The following NALCN variants were observed in gnomAD, a reference collection of about 807,000 sequenced individuals.
NALCN encodes the protein sodium leak channel, non-selective.
In NALCN, 111 loss-of-function variants were observed where a neutral mutation model predicts 225.3. The observed-to-expected ratio is 0.49, with a 90% CI of 0.42 to 0.58. NALCN has a LOEUF of 0.58. Ranked by LOEUF, NALCN falls within the 20% of genes least tolerant of loss-of-function variation. NALCN has a pLI of 0.00. For synonymous variants in NALCN, 764 were observed against 769.0 expected (o/e 0.99, Z 0.11); for missense variants, 1,378 against 2,202.4 (o/e 0.63, Z 7.49).
chr13:101,123,920 T>C (rs1173598503), intron 18 of NALCN, among the ~76,000 whole-genome samples: 2 of 152,208 alleles, frequency 1.3e-5, no homozygotes, highest in Middle Eastern at 3.2e-3. Flanking sequence ...CATGAATCTG[T>C]CCACTCGCCT....
At chr13:101,068,645 C>A (rs552676406) in intron 38 of NALCN, 50 bp downstream of exon 38, 94 of 1,454,552 alleles carry the variant, frequency 6.5e-5, no homozygotes, top group South Asian at 4.4e-4. Context: ...ACATAATTAT[C>A]TAAGTACCTG....
At chr13:101,172,322 T>A (rs191420705) in intron 15 of NALCN, among the ~76,000 whole-genome samples, 39 of 152,322 alleles carry the variant, frequency 2.6e-4, no homozygotes, top group African/African-American at 9.1e-4. Flanking sequence ...ACTCTGGATT[T>A]GGCCACATTC....
intron 26 of NALCN, among the ~76,000 whole-genome samples, chr13:101,101,286 T>TC (rs1310883659): frequency 1.5e-4 from 21 of 141,398 alleles, no homozygotes; most frequent in African/African-American, 5.2e-4. Context: ...TTTTTCTTTT[T>TC]TTTTTTTTTT....
chr13:101,255,311 A>G (rs2042194839), intron 11 of NALCN, among the ~76,000 whole-genome samples: 1 of 152,188 alleles, frequency 6.6e-6, no homozygotes, highest in Non-Finnish European at 1.5e-5. Flanking sequence ...TACCATACAT[A>G]AACACATTAG....
intron 38 of NALCN, 21 bp from the exon 39 acceptor site, chr13:101,068,054 C>T: frequency 7.1e-7 from 1 of 1,415,872 alleles, no homozygotes; most frequent in South Asian, 1.2e-5. Flanking sequence ...AAGAAAAATT[C>T]AGAAGTTAGA....
At chr13:101,193,573 T>A (rs960487235) in intron 13 of NALCN, among the ~76,000 whole-genome samples, 4 of 152,216 alleles carry the variant, frequency 2.6e-5, no homozygotes, top group Non-Finnish European at 5.9e-5. Context: ...AGAAGTGTTT[T>A]GTTCATGAAA....
At position 101,066,183 on chromosome 13, in the gene NALCN, G is replaced by A. The variant is rs138492346; in HGVS notation, c.4447-622C>T. Among the ~76,000 whole-genome samples the A allele has an allele frequency of 1.3e-3, 196 of 151,912 alleles. 1 individual carries two copies. Among genetic ancestry groups the A allele is most frequent in the African/African-American group, 4.3e-3 (179 of 41,428 alleles). ...TCTACTAAAAATAAAAAAATTACCC[G>A]GACATAGTGGTACATGCCTGTAGTC... On this transcript the variant is annotated intron_variant, in intron 39 of 43. Coordinates refer to ENST00000251127, the MANE Select transcript of NALCN (RefSeq NM_052867.4).
chr13:101,111,068 T>G, intron 19 of NALCN, 57 bp downstream of exon 19: 1 of 1,543,650 alleles, frequency 6.5e-7, no homozygotes. Flanking sequence ...AGCGACCATT[T>G]CCTGTAAAAC....
intron 4 of NALCN, among the ~76,000 whole-genome samples, chr13:101,377,451 A>G (rs1420594234): frequency 6.6e-6 from 1 of 152,194 alleles, no homozygotes; most frequent in Non-Finnish European, 1.5e-5. Context: ...GAATTGCACT[A>G]TTTACTAACA....
At chr13:101,320,571 G>A (rs941685179) in intron 7 of NALCN, among the ~76,000 whole-genome samples, 1 of 152,024 alleles carries the variant, frequency 6.6e-6, no homozygotes, top group South Asian at 2.1e-4. Flanking sequence ...ATATTAGAGT[G>A]GGGGAGGAAA....
At chr13:101,365,841 C>A (rs2046364630) in intron 6 of NALCN, among the ~76,000 whole-genome samples, 1 of 152,128 alleles carries the variant, frequency 6.6e-6, no homozygotes, top group African/African-American at 2.4e-5. Flanking sequence ...TCCTGAGTTC[C>A]TGTTTGAATC....
intron 13 of NALCN, among the ~76,000 whole-genome samples, chr13:101,211,677 T>G (rs1264237580): frequency 6.6e-6 from 1 of 150,430 alleles, no homozygotes; most frequent in African/African-American, 2.5e-5. Flanking sequence ...TATCTCATGG[T>G]ATCACTTTAA....
intron 7 of NALCN, among the ~76,000 whole-genome samples, chr13:101,299,426 T>TTTG (rs2043872038): frequency 2.0e-5 from 3 of 151,624 alleles, no homozygotes; most frequent in South Asian, 2.1e-4. Flanking sequence ...ACAGGGTTTT[T>TTTG]TTTGTTTGTT....
intron 6 of NALCN, among the ~76,000 whole-genome samples, chr13:101,360,093 CTTTT>C (rs1314339824): frequency 7.3e-6 from 1 of 137,824 alleles, no homozygotes; most frequent in Non-Finnish European, 1.5e-5. Context: ...CTCTTTCTTT[CTTTT>C]CTTTCTCTTT....
chr13:101,387,735 CTT>C (rs1203420569), intron 3 of NALCN, among the ~76,000 whole-genome samples: 1 of 152,110 alleles, frequency 6.6e-6, no homozygotes. Flanking sequence ...GTAACTCAAA[CTT>C]GAGTAATATG....
chr13:101,340,572 T>C (rs1385640367), intron 7 of NALCN, among the ~76,000 whole-genome samples: 1 of 152,160 alleles, frequency 6.6e-6, no homozygotes, highest in Non-Finnish European at 1.5e-5. Context: ...CTGTATAAGG[T>C]AGGTCTATCA....
In NALCN at chr13:101,065,466, G is replaced by A. The variant is rs554000938; in HGVS notation, c.4542C>T (p.His1514=). ...DLDKDKLLFK[H]MCYEMERLHN... ...GGAGCCTCTCCATTTCGTAGCACATGTGCTTAAACAGGAGCTTGTCCTTGT... is the reference window on the plus strand; with the variant it reads ...GGAGCCTCTCCATTTCGTAGCACATATGCTTAAACAGGAGCTTGTCCTTGT... The change falls in exon 40 of 44, where the codon CAC becomes CAT. Residue 1514 remains histidine (H), a synonymous_variant. Transcript: ENST00000251127. 2 of 1,614,180 alleles carry A rather than the reference G, an allele frequency of 1.2e-6. No individual in the cohort carries two copies. Among genetic ancestry groups the A allele is most frequent in the East Asian group, 2.2e-5 (1 of 44,862 alleles).
At chr13:101,120,355 T>C (rs1033655734) in intron 18 of NALCN, among the ~76,000 whole-genome samples, 11 of 152,138 alleles carry the variant, frequency 7.2e-5, no homozygotes, top group African/African-American at 2.2e-4. Flanking sequence ...ACCGTTGATT[T>C]CAGGCACTTC....
intron 7 of NALCN, among the ~76,000 whole-genome samples, chr13:101,332,296 T>C (rs2045205214): frequency 6.9e-6 from 1 of 144,054 alleles, no homozygotes. Flanking sequence ...AATCCATGCC[T>C]AGGCACAGGA....
Sources: gnomAD v4.1 joint callset for allele counts (sites outside exome capture counted in the v4.1 genomes callset) on GRCh38, gnomAD v4.1.1 for gene constraint, MANE v1.5 for transcripts, NCBI Gene and HGNC (gene_info 2026-07-23, HGNC 2026-07-21) for gene names.